Variants in NUAK2 observed in about 807,000 individuals in gnomAD.
NUAK2 encodes the protein NUAK family SNF1-like kinase 2.
In NUAK2, 20 loss-of-function variants were observed where a neutral mutation model predicts 29.8. The ratio of observed to expected loss-of-function variants is 0.67; its 90% CI spans 0.47 to 0.98. The LOEUF is 0.98. NUAK2 is among the 50% of genes least tolerant of loss of function. The pLI, the probability that NUAK2 is intolerant of heterozygous loss-of-function variation, is 0.00. For synonymous variants in NUAK2, 331 were observed against 342.6 expected (o/e 0.97, Z 0.37); for missense variants, 719 against 834.5 (o/e 0.86, Z 1.71).
At chr1:205,305,710 TTTTG>T (rs1324795469) in intron 5 of NUAK2, among the ~76,000 whole-genome samples, 3 of 151,794 alleles carry the variant, frequency 2.0e-5, no homozygotes, top group Admixed American at 1.3e-4. Flanking sequence ...TTTTTTTGGT[TTTTG>T]TTTGTTTGTT....
rs116063043 is a variant in NUAK2 at position 205,308,710 on chromosome 1, G to A, written c.375C>T (p.Ile125=). ...IHEVFENSSK[I]VIVMEYASRG... ...GGCTGGCATACTCCATGACGATCACGATCTTGCTGCTGTTCTCAAACACTG... is the reference window on the plus strand; with the variant it reads ...GGCTGGCATACTCCATGACGATCACAATCTTGCTGCTGTTCTCAAACACTG... Residue 125 remains isoleucine (I), a synonymous_variant, in exon 3 of 7, where the codon ATC becomes ATT. Coordinates refer to ENST00000367157, the MANE Select transcript of NUAK2 (RefSeq NM_030952.3). The surrounding 1 kb of genome is among the most constrained non-coding windows in gnomAD (Gnocchi z 4.1). The A allele has an allele frequency of 3.7e-6, 6 of 1,614,050 alleles. No individual in the cohort carries two copies. Among genetic ancestry groups the A allele is most frequent in the South Asian group, 2.2e-5 (2 of 91,086 alleles).
intron 1 of NUAK2, among the ~76,000 whole-genome samples, chr1:205,314,715 G>A (rs12120958): frequency 0.14 from 21,912 of 152,130 alleles, 1,678 homozygotes; most frequent in Non-Finnish European, 0.16. Context: ...AGAGCAAAAC[G>A]ATCAATCATA....
intron 5 of NUAK2, 104 bp from the exon 6 acceptor site, chr1:205,305,435 C>T: frequency 2.7e-6 from 4 of 1,474,128 alleles, no homozygotes; most frequent in Admixed American, 4.8e-5. Context: ...ACCCACCTCT[C>T]CTACCCAGGG....
In NUAK2 at chr1:205,308,329, T is replaced by A. The variant is rs764079463; in HGVS notation, c.505-99A>T. On this transcript the variant is annotated intron_variant, in intron 3 of 6. Coordinates refer to ENST00000367157, the MANE Select transcript of NUAK2 (RefSeq NM_030952.3). The surrounding 1 kb of genome is among the most constrained non-coding windows in gnomAD (Gnocchi z 4.1). ...TGAGGTAAACACAAAGGGAGCCAAGTGGGCTTGAGCACAGGTAGGCTGGGA... is the reference window on the plus strand; with the variant it reads ...TGAGGTAAACACAAAGGGAGCCAAGAGGGCTTGAGCACAGGTAGGCTGGGA... 59 of 947,534 alleles carry A rather than the reference T, an allele frequency of 6.2e-5. No individual in the cohort carries two copies. The highest frequency in any genetic ancestry group is 8.6e-5 in the Non-Finnish European group (53 of 619,334). The allele number at this position is 947,534 out of a possible 1,614,324, so 58.7% of individuals were successfully genotyped here.
At chr1:205,306,819 G>A (rs1464513400) in intron 4 of NUAK2, among the ~76,000 whole-genome samples, 1 of 152,188 alleles carries the variant, frequency 6.6e-6, no homozygotes, top group Non-Finnish European at 1.5e-5. Context: ...GGGTCAGCCA[G>A]ATGGAGGGGG....
intron 2 of NUAK2, among the ~76,000 whole-genome samples, chr1:205,309,619 C>A (rs73085118): frequency 1.3e-5 from 2 of 152,224 alleles, no homozygotes; most frequent in South Asian, 4.1e-4. Context: ...AGCCACCGCG[C>A]CTGGCCACAG....
Position 205,310,682 on chromosome 1 carries a change from A to T in NUAK2, c.352+1023T>A, listed in dbSNP as rs543655959. Among the ~76,000 whole-genome samples, 4 of 152,240 alleles carry T rather than the reference A, an allele frequency of 2.6e-5. No homozygotes were observed. The South Asian group carries it at 8.3e-4, about 32-fold the overall frequency. On this transcript the variant is annotated intron_variant, in intron 2 of 6. Coordinates refer to ENST00000367157, the MANE Select transcript of NUAK2 (RefSeq NM_030952.3). ...AGGCAGAATTCATATACACACACAC[A>T]CATATATATACACACACACACCCCA...
rs375016446 is a variant in NUAK2 at position 205,303,911 on chromosome 1, C to T, written c.1426G>A (p.Asp476Asn). 9.9e-6 allele frequency: 16 copies of T among 1,613,902 alleles called. No homozygotes were observed. The African/African-American group carries it at 1.1e-4, about 11-fold the overall frequency. Residue 476 changes from aspartate (D) to asparagine (N), a missense_variant, in exon 7 of 7, where the codon GAC becomes AAC. Physicochemically the swap from Asp to Asn is conservative, Grantham distance 23 (BLOSUM62 1). Transcript: ENST00000367157. ...SESGELLDAGDVFVSGDPKEQ... is the reference protein window; with the variant it reads ...SESGELLDAGNVFVSGDPKEQ... ...TTGGGATCCCCACTCACAAACACGTCGCCTGCGTCCAAGAGCTCCCCAGAT... is the reference window on the plus strand; with the variant it reads ...TTGGGATCCCCACTCACAAACACGTTGCCTGCGTCCAAGAGCTCCCCAGAT...
intron 5 of NUAK2, chr1:205,305,614 G>T: frequency 1.6e-6 from 1 of 630,822 alleles, no homozygotes; most frequent in Non-Finnish European, 2.0e-6. Context: ...TGGACTGGGT[G>T]CTGGGAAAGG....
In NUAK2 at chr1:205,308,734, T is replaced by G; in HGVS notation, c.353-2A>C. On this transcript the variant is annotated splice_acceptor_variant, in intron 2 of 6. Coordinates refer to ENST00000367157, the MANE Select transcript of NUAK2 (RefSeq NM_030952.3). LOFTEE classifies it high-confidence loss of function. The surrounding 1 kb of genome is among the most constrained non-coding windows in gnomAD (Gnocchi z 4.1). Reference sequence around the variant, plus strand: ...CGATCTTGCTGCTGTTCTCAAACACTGGGCAGAGCAAGGCAAGGAACGTCA... The same window carrying G: ...CGATCTTGCTGCTGTTCTCAAACACGGGGCAGAGCAAGGCAAGGAACGTCA... 2 of 1,613,522 alleles carry G rather than the reference T, an allele frequency of 1.2e-6. No homozygotes were observed. Among genetic ancestry groups the G allele is most frequent in the Non-Finnish European group, 1.7e-6 (2 of 1,179,742 alleles).
Position 205,321,558 on chromosome 1 carries a change from G to T in NUAK2, c.71C>A (p.Ala24Glu). 6.2e-7 allele frequency: 1 copy of T among 1,613,664 alleles called. No individual in the cohort carries two copies. Among genetic ancestry groups the T allele is most frequent in the Non-Finnish European group, 8.5e-7 (1 of 1,179,904 alleles). The change falls in exon 1 of 7, where the codon GCG (alanine) becomes GAG (glutamate). Residue 24 changes from alanine (A) to glutamate (E), a missense_variant. By Grantham distance (107) the Ala-to-Glu change is moderately radical. Around this residue, in one of 3 missense-constraint regions of NUAK2, gnomAD observed 283 missense variants for 345.6 expected, o/e 0.82. Coordinates refer to ENST00000367157, the MANE Select transcript of NUAK2 (RefSeq NM_030952.3). ...PSAAELARPL[A>E]EGLIKSPKPL... ...CTTGGGCGACTTGATCAGCCCTTCC[G>T]CCAGCGGCCGGGCTAGCTCTGCGGC...
rs374543250 is a variant in NUAK2, at chr1:205,308,777, C to T, written c.353-45G>A. On this transcript the variant is annotated intron_variant, in intron 2 of 6. Transcript: ENST00000367157. This position sits in a 1 kb window ranked among gnomAD's most constrained non-coding sequence, Gnocchi z 4.1. Reference sequence around the variant, plus strand: ...GAACGTCAGGCCCTCCCAGAGTGCACTGCTCTCCACTGGGGGTGACTCACT... The same window carrying T: ...GAACGTCAGGCCCTCCCAGAGTGCATTGCTCTCCACTGGGGGTGACTCACT... 97 of 1,601,768 alleles carry T rather than the reference C, an allele frequency of 6.1e-5. No homozygotes were observed. Among genetic ancestry groups the T allele is most frequent in the Admixed American group, 2.3e-4 (14 of 59,794 alleles).
At chr1:205,306,061 T>G in intron 5 of NUAK2, 127 bp downstream of exon 5, 1 of 1,340,582 alleles carries the variant, frequency 7.5e-7, no homozygotes, top group Non-Finnish European at 1.0e-6. Context: ...AAGTTACTAC[T>G]TTTTGGGAGG....
chr1:205,311,842 T>TGAGAGTGAG lies in NUAK2; in HGVS notation c.232-26_232-18dup. On this transcript the variant is annotated splice_polypyrimidine_tract_variant and intron_variant, in intron 1 of 6. Coordinates refer to ENST00000367157, the MANE Select transcript of NUAK2 (RefSeq NM_030952.3). ...GATGGCCACCTGGGAAGAGAAGGCA[T>TGAGAGTGAG]GAGAGTGAGGAGAAAGGTTTGGCAG... 6.2e-7 allele frequency: 1 copy of TGAGAGTGAG among 1,613,162 alleles called. No homozygotes were observed. Among genetic ancestry groups the TGAGAGTGAG allele is most frequent in the Non-Finnish European group, 8.5e-7 (1 of 1,179,808 alleles).
At chr1:205,306,350 C>G in intron 4 of NUAK2, 43 bp from the exon 5 acceptor site, 1 of 1,571,266 alleles carries the variant, frequency 6.4e-7, no homozygotes, top group Non-Finnish European at 8.6e-7. Flanking sequence ...ATGTCAAGGC[C>G]TGGGTTTTTC....
Position 205,306,296 on chromosome 1 carries a change from G to A in NUAK2, c.582C>T (p.Phe194=), listed in dbSNP as rs375650096. The A allele has an allele frequency of 1.6e-5, 26 of 1,611,830 alleles. No homozygotes were observed. The highest frequency in any genetic ancestry group is 6.7e-5 in the African/African-American group (5 of 74,788). Residue 194 remains phenylalanine, a synonymous_variant, in exon 5 of 7, where the codon TTC becomes TTT. Coordinates refer to ENST00000367157, the MANE Select transcript of NUAK2 (RefSeq NM_030952.3). ...CTTGATGGTAGAGGTTGGAGAGACC[G>A]AAGTCAGCAATCTGCAGGATTGAGT... ...DANGNIKIAD[F]GLSNLYHQGK...
chr1:205,305,106 C>T (rs972801245), intron 6 of NUAK2, 93 bp downstream of exon 6: 13 of 1,500,358 alleles, frequency 8.7e-6, no homozygotes, highest in East Asian at 6.9e-5. Flanking sequence ...GACTGTTGCC[C>T]GTTTGACTTT....
At chr1:205,317,252 T>C (rs1662341652) in intron 1 of NUAK2, among the ~76,000 whole-genome samples, 1 of 152,116 alleles carries the variant, frequency 6.6e-6, no homozygotes, top group African/African-American at 2.4e-5. Context: ...AAAAAGAAGA[T>C]CCAGAGATGC....
In NUAK2 at chr1:205,305,345, G is replaced by A. The variant is rs764605381; in HGVS notation, c.691-14C>T. 7 of 1,611,856 alleles carry A rather than the reference G, an allele frequency of 4.3e-6. No homozygotes were observed. Among genetic ancestry groups the A allele is most frequent in the South Asian group, 1.1e-5 (1 of 90,836 alleles). On this transcript the variant is annotated splice_polypyrimidine_tract_variant and intron_variant, in intron 5 of 6. Transcript: ENST00000367157. Reference sequence around the variant, plus strand: ...CCAGCTGTCCACCTGAGAGAGATGGGGGAGGTCAGCAGGGATGCCCATACC... The same window carrying A: ...CCAGCTGTCCACCTGAGAGAGATGGAGGAGGTCAGCAGGGATGCCCATACC...
Sources: gnomAD v4.1 joint callset for allele counts (sites outside exome capture counted in the v4.1 genomes callset) on GRCh38, gnomAD v4.1.1 for gene constraint, gnomAD v4.1.1 regional missense constraint, Gnocchi (gnomAD v3.1) non-coding constraint, MANE v1.5 for transcripts, NCBI Gene and HGNC (gene_info 2026-07-23, HGNC 2026-07-21) for gene names.